Variants in SERPINA9 observed in about 807,000 individuals in gnomAD.
The protein encoded by SERPINA9 is serpin A9.
SERPINA9 carries 32 observed loss-of-function variants against 24.5 expected under a neutral mutation model. The ratio of observed to expected loss-of-function variants is 1.30; its 90% CI spans 0.98 to 1.75. The LOEUF (loss-of-function observed/expected upper bound fraction) is 1.75. Ranked by LOEUF, SERPINA9 falls within the 40% of genes most tolerant of loss-of-function variation. The pLI is 0.00. For synonymous variants in SERPINA9, 233 were observed against 197.7 expected, an observed-to-expected ratio of 1.18 and a Z score of -1.50; for missense variants, 594 against 497.1, an observed-to-expected ratio of 1.19 and a Z score of -1.85.
rs1037214928 is a variant in SERPINA9 at position 94,463,330 on chromosome 14, G to T, written c.1051-34C>A. 5.0e-6 allele frequency: 8 copies of T among 1,585,558 alleles called. No homozygotes were observed. In the African/African-American group the frequency reaches 1.1e-4, roughly 21 times the overall value. ...GGAAAAACAAACATCAGTGGCCCTA[G>T]TGGAGACACTTTTACTTAACTGAGT... On this transcript the variant is annotated intron_variant, in intron 4 of 4. Transcript: ENST00000674397.
In SERPINA9 at chr14:94,463,268, C is replaced by T. The variant is rs1898830048; in HGVS notation, c.1079G>A (p.Ser360Asn). The T allele has an allele frequency of 6.2e-7, 1 of 1,614,212 alleles. No individual in the cohort carries two copies. The highest frequency in any genetic ancestry group is 8.5e-7 in the Non-Finnish European group (1 of 1,180,038). ...KATHKAVLDVSEEGTEATAAT... is the reference protein window; with the variant it reads ...KATHKAVLDVNEEGTEATAAT... Reference sequence around the variant, plus strand: ...TGCTGTGGCCTCAGTGCCCTCTTCACTGACATCCAGCACAGCCTTGTGGGT... The same window carrying T: ...TGCTGTGGCCTCAGTGCCCTCTTCATTGACATCCAGCACAGCCTTGTGGGT... Residue 360 changes from serine (S) to asparagine (N), a missense_variant, in exon 5 of 5, where the codon AGT (serine) becomes AAT (asparagine). Transcript: ENST00000674397.
chr14:94,469,970 T>C, intron 1 of SERPINA9, 113 bp from the exon 2 acceptor site: 1 of 839,880 alleles, frequency 1.2e-6, no homozygotes. Flanking sequence ...GATAGGCCAG[T>C]TAGCAGAGCT....
chr14:94,475,416 A>T (rs558319341), intron 1 of SERPINA9, among the ~76,000 whole-genome samples: 2 of 130,662 alleles, frequency 1.5e-5, no homozygotes, highest in Admixed American at 1.7e-4. Flanking sequence ...GTGTGCCTAC[A>T]TGTGCACACA....
intron 3 of SERPINA9, among the ~76,000 whole-genome samples, chr14:94,466,362 C>CAGCA (rs1490112248): frequency 6.6e-6 from 1 of 152,202 alleles, no homozygotes; most frequent in Non-Finnish European, 1.5e-5. Flanking sequence ...AGAAACTCCT[C>CAGCA]AGCACCTTTC....
Position 94,472,388 on chromosome 14 carries a change from C to T in SERPINA9, c.-17-2531G>A, listed in dbSNP as rs193256057. Among the ~76,000 whole-genome samples, 368 of 152,282 alleles carry T rather than the reference C, an allele frequency of 2.4e-3. 3 individuals carry two copies. Among genetic ancestry groups the T allele is most frequent in the African/African-American group, 8.5e-3 (354 of 41,550 alleles). On this transcript the variant is annotated intron_variant, in intron 1 of 4. Coordinates refer to ENST00000674397, the MANE Select transcript of SERPINA9 (RefSeq NM_175739.4). Reference sequence around the variant, plus strand: ...GCTATTACCGGCTTGAGAGGCCCTCCCTGGCTCCCCTCTCCTGTTGTGACT... The same window carrying T: ...GCTATTACCGGCTTGAGAGGCCCTCTCTGGCTCCCCTCTCCTGTTGTGACT...
At position 94,462,932 on chromosome 14, in the gene SERPINA9, G is replaced by T; in HGVS notation, c.*161C>A. On this transcript the variant is annotated 3_prime_UTR_variant, in exon 5 of 5. Transcript: ENST00000674397. Reference sequence around the variant, plus strand: ...TAATGGGTGTTGGCTTGTGACTGGGGTCCCTGTTGATGGTTTGGTGATTGA... The same window carrying T: ...TAATGGGTGTTGGCTTGTGACTGGGTTCCCTGTTGATGGTTTGGTGATTGA... 1 of 635,186 alleles carries T rather than the reference G, an allele frequency of 1.6e-6. No homozygotes were observed. The highest frequency in any genetic ancestry group is 2.8e-6 in the Non-Finnish European group (1 of 355,210). The allele number at this position is 635,186 out of a possible 1,614,324, so 39.3% of individuals were successfully genotyped here.
intron 4 of SERPINA9, among the ~76,000 whole-genome samples, chr14:94,464,005 G>A (rs1222776516): frequency 2.0e-5 from 3 of 152,164 alleles, no homozygotes; most frequent in Non-Finnish European, 2.9e-5. Flanking sequence ...AAAATTTTAG[G>A]TCAGGGATCA....
intron 2 of SERPINA9, among the ~76,000 whole-genome samples, chr14:94,468,134 T>C (rs1285242691): frequency 6.7e-6 from 1 of 148,604 alleles, no homozygotes; most frequent in Non-Finnish European, 1.5e-5. Context: ...TGGGCAGATA[T>C]AGGGTGGATA....
At chr14:94,475,129 T>G (rs1899523112) in intron 1 of SERPINA9, among the ~76,000 whole-genome samples, 1 of 152,104 alleles carries the variant, frequency 6.6e-6, no homozygotes, top group Admixed American at 6.5e-5. Flanking sequence ...CCCCCAGGCC[T>G]GTGTCTTCAT....
chr14:94,474,851 C>T (rs564795612), intron 1 of SERPINA9, among the ~76,000 whole-genome samples: 1 of 152,300 alleles, frequency 6.6e-6, no homozygotes, highest in African/African-American at 2.4e-5. Flanking sequence ...CTCCTCCACC[C>T]TGCAGACAGG....
intron 1 of SERPINA9, among the ~76,000 whole-genome samples, chr14:94,473,357 A>G (rs1447631301): frequency 6.6e-6 from 1 of 152,036 alleles, no homozygotes; most frequent in Non-Finnish European, 1.5e-5. Context: ...CATCTCTACT[A>G]AAAATGCAAA....
rs780232275 is a variant in SERPINA9, at chr14:94,464,710, A to G, written c.1047T>C (p.Ser349=). The G allele has an allele frequency of 9.3e-6, 15 of 1,611,510 alleles. No individual in the cohort carries two copies. The Admixed American group carries it at 2.2e-4, about 23-fold the overall frequency. The change falls in exon 4 of 5, where the codon TCT becomes TCC. Residue 349 remains serine (S), a synonymous_variant. Transcript: ENST00000674397. ...GIAKRDSLQV[S]KATHKAVLDV... ...CAAATATTTTCATTCAACTCACTTTAGAAACCTGCAGGGAGTCTCTCTTTG... is the reference window on the plus strand; with the variant it reads ...CAAATATTTTCATTCAACTCACTTTGGAAACCTGCAGGGAGTCTCTCTTTG...
At chr14:94,468,216 G>A (rs1320828038) in intron 2 of SERPINA9, among the ~76,000 whole-genome samples, 1 of 152,182 alleles carries the variant, frequency 6.6e-6, no homozygotes, top group Non-Finnish European at 1.5e-5. Context: ...ATGGATGGAT[G>A]AACTGATGGA....
chr14:94,465,694 A>C (rs1199474964), intron 3 of SERPINA9, among the ~76,000 whole-genome samples: 1 of 152,014 alleles, frequency 6.6e-6, no homozygotes, highest in Non-Finnish European at 1.5e-5. Flanking sequence ...TGCCCGGCTA[A>C]TTTTTTTGTA....
At chr14:94,474,107 G>A (rs764506449) in intron 1 of SERPINA9, among the ~76,000 whole-genome samples, 3 of 152,202 alleles carry the variant, frequency 2.0e-5, no homozygotes, top group Non-Finnish European at 4.4e-5. Flanking sequence ...GTTGAAGGAA[G>A]AGGACATCAG....
chr14:94,466,112 G>A (rs1185618258), intron 3 of SERPINA9, among the ~76,000 whole-genome samples: 3 of 151,948 alleles, frequency 2.0e-5, no homozygotes, highest in Non-Finnish European at 4.4e-5. Flanking sequence ...CTGAAATTCT[G>A]TGCCACCTCC....
intron 2 of SERPINA9, among the ~76,000 whole-genome samples, chr14:94,467,719 G>C (rs1899077284): frequency 6.6e-6 from 1 of 152,194 alleles, no homozygotes; most frequent in Admixed American, 6.5e-5. Flanking sequence ...GGATAAATGG[G>C]TGGATAGCCT....
At chr14:94,476,063 G>A (rs2139832601) in intron 1 of SERPINA9, 73 bp downstream of exon 1, 2 of 1,609,346 alleles carry the variant, frequency 1.2e-6, no homozygotes, top group African/African-American at 1.3e-5. Flanking sequence ...TGAAGACCAT[G>A]CTCTGATCCA....
intron 3 of SERPINA9, 106 bp downstream of exon 3, chr14:94,467,003 A>C: frequency 7.8e-7 from 1 of 1,283,920 alleles, no homozygotes; most frequent in Non-Finnish European, 1.1e-6. Context: ...GTTGGTGCTC[A>C]CTGTGCAGAA....
Sources: allele counts gnomAD v4.1 joint callset (sites outside exome capture counted in the v4.1 genomes callset), GRCh38; gene constraint gnomAD v4.1.1; transcripts MANE v1.5; gene names NCBI Gene and HGNC (gene_info 2026-07-23, HGNC 2026-07-21).